AOAH: variants seen among roughly 807,000 people sequenced by gnomAD.
AOAH encodes acyloxyacyl hydrolase (neutrophil).
A neutral mutation model predicts 92.2 loss-of-function variants in AOAH; 64 were observed. The ratio of observed to expected loss-of-function variants is 0.69; its 90% confidence interval spans 0.57 to 0.86. The LOEUF is 0.86. AOAH is among the 40% of genes least tolerant of loss of function. The probability of loss-of-function intolerance (pLI) is 0.00; values close to 1 mark genes in which losing one functional copy is unlikely to be tolerated. For missense variants in AOAH, 656 were observed against 694.6 expected (o/e 0.94, Z 0.62); for synonymous variants, 263 against 254.5 (o/e 1.03, Z -0.32).
intron 4 of AOAH, among the ~76,000 whole-genome samples, chr7:36,646,693 T>C (rs1794241526): frequency 2.0e-5 from 3 of 152,234 alleles, no homozygotes; most frequent in Non-Finnish European, 4.4e-5. Flanking sequence ...GTTCCTTTTG[T>C]AGGTTCCCAG....
chr7:36,634,901 C>T (rs951671662), intron 5 of AOAH, among the ~76,000 whole-genome samples: 2 of 152,176 alleles, frequency 1.3e-5, no homozygotes, highest in African/African-American at 4.8e-5. Flanking sequence ...AAAATTCAGC[C>T]TGATGGCTGC....
intron 8 of AOAH, 129 bp from the exon 9 acceptor site, chr7:36,620,958 T>G (rs1792236687): frequency 1.2e-6 from 1 of 800,038 alleles, no homozygotes; most frequent in Non-Finnish European, 2.0e-6. Flanking sequence ...AACAGCATTC[T>G]TCATGGAATA....
At chr7:36,680,812 A>T (rs1796598397) in intron 2 of AOAH, among the ~76,000 whole-genome samples, 1 of 152,208 alleles carries the variant, frequency 6.6e-6, no homozygotes, top group Non-Finnish European at 1.5e-5. Context: ...TGAAAAGGCA[A>T]CCCATCACTG....
chr7:36,675,065 G>A (rs1483186610), intron 2 of AOAH, among the ~76,000 whole-genome samples: 1 of 152,188 alleles, frequency 6.6e-6, no homozygotes, highest in Middle Eastern at 3.2e-3. Context: ...GACCAGCCTG[G>A]CCAACATAGT....
Position 36,724,117 on chromosome 7 carries a change from G to A in AOAH, c.32C>T (p.Ala11Val), listed in dbSNP as rs144897559. MQSPWKILTV[A>V]PLFLLLSLQS... The stretch of plus-strand genomic sequence containing the variant: ...AAGAGACAGGAGCAAGAATAGAGGC[G>A]CCACCGTAAGGATTTTCCAGGGGGA... The change falls in exon 1 of 21, where the codon GCG (alanine) becomes GTG (valine). Residue 11 changes from alanine (A) to valine (V), a missense_variant. By Grantham distance (64) the Ala-to-Val change is moderately conservative (BLOSUM62 0). Coordinates refer to ENST00000617537, the MANE Select transcript of AOAH (RefSeq NM_001637.4). The A allele has an allele frequency of 4.4e-3, 7,079 of 1,613,390 alleles. 22 individuals carry two copies. Among genetic ancestry groups the A allele is most frequent in the Admixed American group, 8.4e-3 (504 of 59,988 alleles).
chr7:36,535,024 C>CTTTGTG (rs1784938401), intron 16 of AOAH, among the ~76,000 whole-genome samples: 1 of 144,906 alleles, frequency 6.9e-6, no homozygotes, highest in African/African-American at 2.6e-5. Context: ...GTGTCTGTGT[C>CTTTGTG]TGTGTGTGTG....
intron 19 of AOAH, among the ~76,000 whole-genome samples, chr7:36,528,701 TCCC>T (rs1393933392): frequency 6.6e-6 from 1 of 152,000 alleles, no homozygotes; most frequent in Non-Finnish European, 1.5e-5. Context: ...GCTCAAGTGA[TCCC>T]CCCATCTCAA....
chr7:36,638,960 T>C (rs1793709430), intron 4 of AOAH, among the ~76,000 whole-genome samples: 1 of 152,166 alleles, frequency 6.6e-6, no homozygotes, highest in Non-Finnish European at 1.5e-5. Flanking sequence ...CCTTGGACTC[T>C]CCCAGGCCTC....
chr7:36,688,139 T>A (rs11763691), intron 1 of AOAH, among the ~76,000 whole-genome samples: 20,390 of 152,258 alleles, frequency 0.13, 1,482 homozygotes, highest in Middle Eastern at 0.19. Flanking sequence ...GTTTCTAACC[T>A]AATGCATGGC....
intron 4 of AOAH, among the ~76,000 whole-genome samples, chr7:36,650,127 TCTTGGAAGCGGCC>T (rs1562658131): frequency 6.0e-4 from 6 of 10,054 alleles, no homozygotes; most frequent in African/African-American, 2.2e-3. Context: ...CCCACCACCG[TCTTGGAAGCGGCC>T]CACCACCGTC....
chr7:36,636,273 G>A (rs1440128076), intron 5 of AOAH, among the ~76,000 whole-genome samples: 1 of 152,082 alleles, frequency 6.6e-6, no homozygotes. Context: ...TTGTTGAATT[G>A]TTCAGTAGAA....
chr7:36,604,353 T>C (rs1338825599), intron 11 of AOAH, among the ~76,000 whole-genome samples: 1 of 152,224 alleles, frequency 6.6e-6, no homozygotes, highest in Non-Finnish European at 1.5e-5. Flanking sequence ...TATTTGTTTA[T>C]CTTCCCAGCT....
chr7:36,635,998 A>G (rs570624860), intron 5 of AOAH, among the ~76,000 whole-genome samples: 1 of 151,854 alleles, frequency 6.6e-6, no homozygotes, highest in South Asian at 2.1e-4. Context: ...GGAATGTTTG[A>G]TCTCCTTCAA....
In AOAH at chr7:36,623,270, A is replaced by G; in HGVS notation, c.522-20T>C. On this transcript the variant is annotated intron_variant, in intron 6 of 20. Transcript: ENST00000617537. ...ATAGCTCTAGGAAAAAGAAAACAAA[A>G]CAATCGGTGAGCTAACAAAAAAAGT... The G allele has an allele frequency of 1.9e-6, 3 of 1,610,256 alleles. No homozygotes were observed. The highest frequency in any genetic ancestry group is 1.1e-5 in the South Asian group (1 of 90,796).
At position 36,717,299 on chromosome 7, in the gene AOAH, C is replaced by A. The variant is rs545447710; in HGVS notation, c.127+6723G>T. 2.2e-3 allele frequency among the ~76,000 whole-genome samples: 335 copies of A among 152,236 alleles called. 3 individuals carry two copies. Among genetic ancestry groups the A allele is most frequent in the South Asian group, 0.01 (50 of 4,826 alleles). On this transcript the variant is annotated intron_variant, in intron 1 of 20. Transcript: ENST00000617537. ...TTTTAGAGTATCCCTCCAGTCACAACAATACCCTGCTTCAGTGAGAGCTAT... is the reference window on the plus strand; with the variant it reads ...TTTTAGAGTATCCCTCCAGTCACAAAAATACCCTGCTTCAGTGAGAGCTAT...
Position 36,677,345 on chromosome 7 carries a change from A to G in AOAH, c.224-3336T>C, listed in dbSNP as rs558923335. On this transcript the variant is annotated intron_variant, in intron 2 of 20. Transcript: ENST00000617537. The stretch of plus-strand genomic sequence containing the variant: ...AAAGCCACATGAAAAGATACTCAAC[A>G]TCATTAGCTACCAAGGAAATGCAAT... 1.2e-4 allele frequency among the ~76,000 whole-genome samples: 19 copies of G among 152,366 alleles called. 1 individual carries two copies. Among genetic ancestry groups the G allele is most frequent in the South Asian group, 8.3e-4 (4 of 4,830 alleles).
intron 2 of AOAH, among the ~76,000 whole-genome samples, chr7:36,678,426 T>G (rs1796395303): frequency 6.6e-6 from 1 of 152,228 alleles, no homozygotes; most frequent in African/African-American, 2.4e-5. Context: ...AAAGTACTGC[T>G]AATGCAGAAC....
chr7:36,708,614 AT>A (rs1184946900), intron 1 of AOAH, among the ~76,000 whole-genome samples: 1 of 151,712 alleles, frequency 6.6e-6, no homozygotes, highest in Non-Finnish European at 1.5e-5. Flanking sequence ...ATGTCTACTA[AT>A]TTTTTTTGTT....
Position 36,540,361 on chromosome 7 carries a change from T to C in AOAH, c.1264A>G (p.Thr422Ala), listed in dbSNP as rs1490273048. 1 of 1,613,664 alleles carries C rather than the reference T, an allele frequency of 6.2e-7. No homozygotes were observed. Among genetic ancestry groups the C allele is most frequent in the African/African-American group, 1.3e-5 (1 of 74,896 alleles). The change falls in exon 16 of 21, where the codon ACC becomes GCC. Residue 422 changes from threonine to alanine, a missense_variant. Coordinates refer to ENST00000617537, the MANE Select transcript of AOAH (RefSeq NM_001637.4). Reference sequence around the variant, plus strand: ...TTGTGCAAATTATCCCAGAGAAAGGTTCCATCTGGTAAGCCATACAAAATA... The same window carrying C: ...TTGTGCAAATTATCCCAGAGAAAGGCTCCATCTGGTAAGCCATACAAAATA... ...HVILYGLPDG[T>A]FLWDNLHNRY...
Sources: allele counts gnomAD v4.1 joint callset (sites outside exome capture counted in the v4.1 genomes callset), GRCh38; gene constraint gnomAD v4.1.1; transcripts MANE v1.5; gene names NCBI Gene and HGNC (gene_info 2026-07-23, HGNC 2026-07-21).